Variants in CTNNA3 observed in about 807,000 individuals in gnomAD.
CTNNA3 encodes catenin alpha 3, also known as catenin alpha-3.
A neutral mutation model predicts 95.7 loss-of-function variants in CTNNA3; 76 were observed. The ratio of observed to expected loss-of-function variants is 0.79; its 90% CI spans 0.66 to 0.96. The LOEUF (loss-of-function observed/expected upper bound fraction) is 0.96, where lower values mean the gene tolerates loss of function less well. CTNNA3 is among the 40% of genes least tolerant of loss of function. The pLI is 0.00. For missense variants in CTNNA3, 1,191 were observed against 1,089.8 expected, an observed-to-expected ratio of 1.09 and a Z score of -1.31; for synonymous variants, 431 against 374.4, an observed-to-expected ratio of 1.15 and a Z score of -1.74.
At chr10:66,782,816 G>A (rs1253159434) in intron 7 of CTNNA3, among the ~76,000 whole-genome samples, 2 of 152,014 alleles carry the variant, frequency 1.3e-5, no homozygotes, top group East Asian at 3.8e-4. Flanking sequence ...TATTAAATCA[G>A]TGTTTTTATT....
At chr10:66,850,054 C>T (rs980345922) in intron 7 of CTNNA3, among the ~76,000 whole-genome samples, 5 of 151,970 alleles carry the variant, frequency 3.3e-5, no homozygotes, top group Admixed American at 1.3e-4. Flanking sequence ...ACACATGATC[C>T]GCATTCCTAA....
At chr10:66,389,852 C>T (rs966662910) in intron 11 of CTNNA3, among the ~76,000 whole-genome samples, 4 of 151,988 alleles carry the variant, frequency 2.6e-5, no homozygotes, top group Non-Finnish European at 2.9e-5. Context: ...GATCATTCCA[C>T]CTCAGGCTCC....
Position 65,929,025 on chromosome 10 carries a change from C to G in CTNNA3, c.2401-8408G>C, listed in dbSNP as rs10996779. 1.3e-3 allele frequency among the ~76,000 whole-genome samples: 181 copies of G among 135,344 alleles called. 2 individuals are homozygous for G. Among genetic ancestry groups the G allele is most frequent in the South Asian group, 6.8e-3 (25 of 3,690 alleles). 88.8% of individuals were successfully genotyped at this position (135,344 alleles called of 152,430 possible). A position where few individuals can be genotyped will look rare whatever the true frequency, so the allele number is the denominator to read the frequency against. On this transcript the variant is annotated intron_variant, in intron 17 of 17. Transcript: ENST00000433211. ...ATATCTCCAAATGCTATCCCTCCCC[C>G]CTCCCCTCACCCACAACAGGCCCCA...
chr10:67,366,591 G>A (rs549475028), intron 5 of CTNNA3, among the ~76,000 whole-genome samples: 20 of 151,660 alleles, frequency 1.3e-4, no homozygotes, highest in Admixed American at 3.9e-4. Context: ...CAGTGAGCAG[G>A]AATCCTGCCA....
At position 67,521,888 on chromosome 10, in the gene CTNNA3, C is replaced by T. The variant is rs1839998869; in HGVS notation, c.533G>A (p.Gly178Glu). Reference sequence around the variant, plus strand: ...ATAATCCAAATTTTCCAGCTCCTTCCCAAGCTTCTGGTAGGTTTTCTGGAG... The same window carrying T: ...ATAATCCAAATTTTCCAGCTCCTTCTCAAGCTTCTGGTAGGTTTTCTGGAG... ...SDLQKTYQKL[G>E]KELENLDYLA... Residue 178 changes from glycine to glutamate, a missense_variant, in exon 5 of 18, where the codon GGG becomes GAG. Transcript: ENST00000433211. 2 of 1,612,552 alleles carry T rather than the reference C, an allele frequency of 1.2e-6. No individual in the cohort carries two copies. The highest frequency in any genetic ancestry group is 2.7e-5 in the African/African-American group (2 of 74,894).
Position 67,219,716 on chromosome 10 carries a change from AT to A in CTNNA3, c.733del (p.Ile245PhefsTer7). On this transcript the variant is annotated frameshift_variant, in exon 6 of 18. Coordinates refer to ENST00000433211, the MANE Select transcript of CTNNA3 (RefSeq NM_013266.4). LOFTEE classifies it high-confidence loss of function. Reference protein sequence around the residue: ...KASKDTVCEEIQNALNVISNA... With the variant: ...KASKDTVCEEXQNALNVISNA... ...TGAAATTACATTGAGAGCATTCTGA[AT>A]TTCTTCACAAACTGTGTCCTTGCTT... 1 of 1,614,096 alleles carries A rather than the reference AT, an allele frequency of 6.2e-7. No homozygotes were observed. The highest frequency in any genetic ancestry group is 8.5e-7 in the Non-Finnish European group (1 of 1,180,004).
intron 7 of CTNNA3, among the ~76,000 whole-genome samples, chr10:66,894,995 A>G (rs1319680951): frequency 6.1e-5 from 9 of 147,150 alleles, no homozygotes; most frequent in South Asian, 2.1e-4. Context: ...TAAATTATAT[A>G]TATTTATATA....
chr10:66,450,954 G>A (rs1258322461), intron 11 of CTNNA3, among the ~76,000 whole-genome samples: 1 of 152,100 alleles, frequency 6.6e-6, no homozygotes, highest in Non-Finnish European at 1.5e-5. Context: ...TTGTGATCAT[G>A]GGCCAGGTAT....
chr10:66,894,968 A>G (rs1845417950), intron 7 of CTNNA3, among the ~76,000 whole-genome samples: 3 of 150,788 alleles, frequency 2.0e-5, no homozygotes. Context: ...AATATTGAAA[A>G]ATGAAGAAAT....
At chr10:65,985,540 T>G (rs1017215639) in intron 16 of CTNNA3, among the ~76,000 whole-genome samples, 2 of 151,484 alleles carry the variant, frequency 1.3e-5, no homozygotes, top group African/African-American at 4.8e-5. Flanking sequence ...GCATTTTATA[T>G]CTTTAGTATT....
At chr10:67,126,295 A>G (rs1859716542) in intron 7 of CTNNA3, among the ~76,000 whole-genome samples, 2 of 152,082 alleles carry the variant, frequency 1.3e-5, no homozygotes, top group Non-Finnish European at 2.9e-5. Context: ...TTGGGAGGCC[A>G]AGGTGGGTGG....
At chr10:66,793,302 C>A (rs1055393638) in intron 7 of CTNNA3, among the ~76,000 whole-genome samples, 4 of 152,022 alleles carry the variant, frequency 2.6e-5, no homozygotes, top group African/African-American at 9.7e-5. Flanking sequence ...TCACCACACC[C>A]AGAAAATTTT....
intron 5 of CTNNA3, among the ~76,000 whole-genome samples, chr10:67,230,091 T>C (rs1384607644): frequency 6.6e-6 from 1 of 152,060 alleles, no homozygotes; most frequent in Non-Finnish European, 1.5e-5. Flanking sequence ...GCCATAGACA[T>C]GAAAACAGAG....
At chr10:67,371,118 G>A (rs567204171) in intron 5 of CTNNA3, among the ~76,000 whole-genome samples, 4 of 151,602 alleles carry the variant, frequency 2.6e-5, no homozygotes, top group Non-Finnish European at 5.9e-5. Context: ...CGCCCGCCTC[G>A]GCCTCCCAAA....
chr10:66,981,311 T>C, intron 7 of CTNNA3, among the ~76,000 whole-genome samples: 1 of 152,230 alleles, frequency 6.6e-6, no homozygotes, highest in East Asian at 1.9e-4. Flanking sequence ...CACCTTCATC[T>C]ATATCTCTAA....
chr10:65,936,865 T>C (rs2077348115), intron 17 of CTNNA3, among the ~76,000 whole-genome samples: 1 of 152,052 alleles, frequency 6.6e-6, no homozygotes, highest in Non-Finnish European at 1.5e-5. Context: ...TATACGGTTA[T>C]ATATTTATTT....
chr10:67,479,242 T>G (rs2133047611), intron 5 of CTNNA3, among the ~76,000 whole-genome samples: 1 of 152,304 alleles, frequency 6.6e-6, no homozygotes, highest in East Asian at 1.9e-4. Flanking sequence ...CTTGACCAAT[T>G]GGATTTAATA....
chr10:66,772,171 A>T (rs1840111143), intron 8 of CTNNA3, among the ~76,000 whole-genome samples: 2 of 152,298 alleles, frequency 1.3e-5, no homozygotes, highest in South Asian at 4.1e-4. Flanking sequence ...CACACCTGTA[A>T]TCCCAGCACT....
intron 5 of CTNNA3, among the ~76,000 whole-genome samples, chr10:67,237,120 GTGTATGTA>G (rs202178537): frequency 0.042 from 658 of 15,620 alleles, 19 homozygotes; most frequent in Non-Finnish European, 0.056. Flanking sequence ...AGAAACTATG[GTGTATGTA>G]TATATATATA....
Sources: gnomAD v4.1 joint callset for allele counts (sites outside exome capture counted in the v4.1 genomes callset) on GRCh38, gnomAD v4.1.1 for gene constraint, MANE v1.5 for transcripts, NCBI Gene and HGNC (gene_info 2026-07-23, HGNC 2026-07-21) for gene names.